CA5A: variants seen among roughly 807,000 people sequenced by gnomAD.
CA5A encodes the protein carbonic anhydrase 5A, mitochondrial.
In CA5A, 28 loss-of-function variants were observed where a neutral mutation model predicts 37.1. The ratio of observed to expected loss-of-function variants is 0.75; its 90% CI spans 0.56 to 1.03. The LOEUF (loss-of-function observed/expected upper bound fraction) is 1.03. Ranked by LOEUF, CA5A falls within the 50% of genes least tolerant of loss-of-function variation. The pLI is 0.00. For synonymous variants in CA5A, 171 were observed against 158.4 expected (o/e 1.08, Z -0.60); for missense variants, 444 against 399.9 (o/e 1.11, Z -0.94).
intron 1 of CA5A, among the ~76,000 whole-genome samples, chr16:87,931,451 G>C (rs1453902926): frequency 6.6e-6 from 1 of 152,144 alleles, no homozygotes; most frequent in Non-Finnish European, 1.5e-5. Flanking sequence ...TTGTGCAGTG[G>C]GGAAGACACA....
intron 6 of CA5A, 125 bp downstream of exon 6, chr16:87,891,674 G>A: frequency 1.2e-6 from 1 of 868,452 alleles, no homozygotes; most frequent in Non-Finnish European, 1.7e-6. Flanking sequence ...GTGTAAGAAT[G>A]CCCCAAATGC....
intron 2 of CA5A, among the ~76,000 whole-genome samples, chr16:87,914,935 G>C (rs1306041864): frequency 6.6e-6 from 1 of 152,234 alleles, no homozygotes; most frequent in Non-Finnish European, 1.5e-5. Context: ...TTCGGAACGA[G>C]AGTTAATCCA....
rs570212398 is a variant in CA5A at position 87,908,870 on chromosome 16, C to T, written c.341-3966G>A. Among the ~76,000 whole-genome samples the T allele has an allele frequency of 3.3e-5, 5 of 152,182 alleles. No individual in the cohort carries two copies. In the South Asian group the frequency reaches 6.2e-4, roughly 19 times the overall value. ...TCACTCTGTCGCCCAGGCTGGAATG[C>T]GGTGGCGTGATCTCAGCTCACTGCA... is the stretch of plus-strand genomic sequence containing the variant. On this transcript the variant is annotated intron_variant, in intron 2 of 6. Transcript: ENST00000649794.
chr16:87,915,480 C>G (rs1022673825), intron 2 of CA5A, among the ~76,000 whole-genome samples: 2 of 150,744 alleles, frequency 1.3e-5, no homozygotes, highest in Non-Finnish European at 2.9e-5. Context: ...TGCAGTGAGC[C>G]CAGATGCACT....
At chr16:87,896,929 G>T (rs1053900875) in intron 5 of CA5A, among the ~76,000 whole-genome samples, 1 of 152,176 alleles carries the variant, frequency 6.6e-6, no homozygotes, top group Non-Finnish European at 1.5e-5. Context: ...CGTGAGCCAC[G>T]CTCTGTTCCT....
intron 3 of CA5A, among the ~76,000 whole-genome samples, chr16:87,903,902 C>T (rs1210981469): frequency 6.6e-6 from 1 of 151,984 alleles, no homozygotes; most frequent in African/African-American, 2.4e-5. Flanking sequence ...TCGTATGTTG[C>T]AAAAATTTCA....
chr16:87,906,843 T>C (rs2055968528), intron 2 of CA5A, among the ~76,000 whole-genome samples: 2 of 152,168 alleles, frequency 1.3e-5, no homozygotes, highest in African/African-American at 4.8e-5. Context: ...TCTTCTATTC[T>C]CCTTAAACAT....
chr16:87,917,128 AAAAG>A (rs1369031317), intron 2 of CA5A, among the ~76,000 whole-genome samples: 115 of 78,554 alleles, frequency 1.5e-3, no homozygotes, highest in African/African-American at 4.0e-3. Flanking sequence ...AAAAGAAAAG[AAAAG>A]AAAGAAAAGA....
At chr16:87,913,988 G>A (rs563598372) in intron 2 of CA5A, among the ~76,000 whole-genome samples, 131 of 152,344 alleles carry the variant, frequency 8.6e-4, no homozygotes, top group African/African-American at 2.9e-3. Context: ...TTCATCCACT[G>A]TGCTTGACGT....
At chr16:87,928,751 C>CTTTTTTT (rs1567537787) in intron 1 of CA5A, among the ~76,000 whole-genome samples, 1 of 107,270 alleles carries the variant, frequency 9.3e-6, no homozygotes, top group African/African-American at 3.6e-5. Context: ...GGATTATTTT[C>CTTTTTTT]TTTTCTTTGT....
At chr16:87,920,943 A>G (rs2056221868) in intron 2 of CA5A, among the ~76,000 whole-genome samples, 2 of 151,568 alleles carry the variant, frequency 1.3e-5, no homozygotes, top group Non-Finnish European at 2.9e-5. Flanking sequence ...ACAGGCATGC[A>G]CCATCACGCC....
At position 87,891,941 on chromosome 16, in the gene CA5A, G is replaced by GC; in HGVS notation, c.631dup (p.Ala211GlyfsTer43). ...AGTGGAGGGGTCGAAGGGGCGCATG[G>GC]CCGCCCGCGCGTCCTGAGAGACCGA... is the stretch of plus-strand genomic sequence containing the variant. On this transcript the variant is annotated frameshift_variant, in exon 6 of 7. Coordinates refer to ENST00000649794, the MANE Select transcript of CA5A (RefSeq NM_001739.2). LOFTEE classifies it high-confidence loss of function. 6.5e-7 allele frequency: 1 copy of GC among 1,543,884 alleles called. No individual in the cohort carries two copies. Among genetic ancestry groups the GC allele is most frequent in the Non-Finnish European group, 8.7e-7 (1 of 1,146,066 alleles).
intron 5 of CA5A, among the ~76,000 whole-genome samples, chr16:87,896,375 G>C (rs2055803086): frequency 6.6e-6 from 1 of 152,288 alleles, no homozygotes; most frequent in African/African-American, 2.4e-5. Context: ...AGGAGTTCCT[G>C]TCCTGTCTCT....
At chr16:87,921,254 A>G (rs1269996498) in intron 2 of CA5A, among the ~76,000 whole-genome samples, 2 of 152,112 alleles carry the variant, frequency 1.3e-5, no homozygotes, top group African/African-American at 4.8e-5. Context: ...TTTTATCAGG[A>G]CTCTTGGAAG....
intron 2 of CA5A, among the ~76,000 whole-genome samples, chr16:87,905,641 G>C (rs923564452): frequency 1.3e-5 from 2 of 152,216 alleles, no homozygotes; most frequent in African/African-American, 4.8e-5. Flanking sequence ...TGACAGGTGT[G>C]AGCCACCGCT....
intron 2 of CA5A, among the ~76,000 whole-genome samples, chr16:87,915,159 G>C (rs777817407): frequency 2.6e-5 from 4 of 152,204 alleles, no homozygotes; most frequent in African/African-American, 7.2e-5. Context: ...GCCTTTGATC[G>C]CATTTATCAC....
chr16:87,897,951 G>A (rs1376706742), intron 5 of CA5A, among the ~76,000 whole-genome samples: 1 of 152,174 alleles, frequency 6.6e-6, no homozygotes, highest in Non-Finnish European at 1.5e-5. Context: ...TGCTCCTGAC[G>A]GGAGTGGTAA....
rs191568720 is a variant in CA5A at position 87,906,990 on chromosome 16, G to A, written c.341-2086C>T. Among the ~76,000 whole-genome samples, 18 of 152,292 alleles carry A rather than the reference G, an allele frequency of 1.2e-4. No individual in the cohort carries two copies. The East Asian group carries it at 3.3e-3, about 28-fold the overall frequency. On this transcript the variant is annotated intron_variant, in intron 2 of 6. Coordinates refer to ENST00000649794, the MANE Select transcript of CA5A (RefSeq NM_001739.2). ...CTAGCACTTTGGGAGGCCAAGGCGG[G>A]TGTATCACTTGAGGTCAGGTGTTTG...
At chr16:87,923,578 C>T in intron 2 of CA5A, 1 of 985,454 alleles carries the variant, frequency 1.0e-6, no homozygotes, top group Non-Finnish European at 1.2e-6. Flanking sequence ...TTCCCCACTG[C>T]ATGAGGTCTT....
Sources: allele counts gnomAD v4.1 joint callset (sites outside exome capture counted in the v4.1 genomes callset), GRCh38; gene constraint gnomAD v4.1.1; transcripts MANE v1.5; gene names NCBI Gene and HGNC (gene_info 2026-07-23, HGNC 2026-07-21).